The following CTNNA2 variants were observed in gnomAD, a reference collection of about 807,000 sequenced individuals.
The protein encoded by CTNNA2 is catenin alpha-2.
CTNNA2 carries 42 observed loss-of-function variants against 101.0 expected under a neutral mutation model. The ratio of observed to expected loss-of-function variants is 0.42; its 90% CI spans 0.32 to 0.54. CTNNA2 has a LOEUF of 0.54. Ranked by LOEUF, CTNNA2 falls within the 20% of genes least tolerant of loss-of-function variation. The pLI is 0.14. For synonymous variants in CTNNA2, 450 were observed against 456.4 expected (o/e 0.99, Z 0.18); for missense variants, 871 against 1,223.1 (o/e 0.71, Z 4.29).
intron 18 of CTNNA2, among the ~76,000 whole-genome samples, chr2:80,638,677 G>T (rs1445778904): frequency 6.6e-6 from 1 of 152,208 alleles, no homozygotes; most frequent in Non-Finnish European, 1.5e-5. Context: ...CCATATTTAG[G>T]AAATTTGTTG....
intron 7 of CTNNA2, among the ~76,000 whole-genome samples, 178 bp downstream of exon 7, chr2:79,909,975 C>T (rs1313052441): frequency 2.6e-5 from 4 of 152,110 alleles, no homozygotes; most frequent in African/African-American, 9.7e-5. Context: ...TTTCTGAATC[C>T]ATTTTTTGTT....
intron 2 of CTNNA2, among the ~76,000 whole-genome samples, chr2:79,726,560 G>C (rs1686853868): frequency 6.6e-6 from 1 of 152,140 alleles, no homozygotes; most frequent in Non-Finnish European, 1.5e-5. Flanking sequence ...AGGTGGAGCA[G>C]TTTCATCCTG....
chr2:79,588,414 G>C (rs541439568), intron 1 of CTNNA2, among the ~76,000 whole-genome samples: 4 of 152,064 alleles, frequency 2.6e-5, no homozygotes, highest in Non-Finnish European at 5.9e-5. Flanking sequence ...TTAGCTTTGG[G>C]TTGAGCTTTC....
intron 4 of CTNNA2, among the ~76,000 whole-genome samples, chr2:79,408,254 G>A (rs551441131): frequency 2.1e-4 from 32 of 151,496 alleles, no homozygotes; most frequent in Non-Finnish European, 4.4e-4. Context: ...GGTGAACTTT[G>A]AGAAAGTGAT....
intron 2 of CTNNA2, among the ~76,000 whole-genome samples, chr2:79,207,782 C>T (rs1339823503): frequency 6.6e-6 from 1 of 152,078 alleles, no homozygotes; most frequent in Non-Finnish European, 1.5e-5. Flanking sequence ...TCTGATGGCT[C>T]CCTGATGATG....
intron 3 of CTNNA2, among the ~76,000 whole-genome samples, chr2:79,368,704 G>A (rs67489944): frequency 0.3 from 45,128 of 151,912 alleles, 6,834 homozygotes; most frequent in Admixed American, 0.34. Context: ...GGAATTAAAC[G>A]CTACACCCTT....
intron 3 of CTNNA2, among the ~76,000 whole-genome samples, chr2:79,759,615 CCTTT>C (rs1445041004): frequency 1.3e-5 from 2 of 152,252 alleles, no homozygotes; most frequent in East Asian, 3.9e-4. Context: ...TGGTTCATCC[CCTTT>C]CTTGTTTCTC....
intron 4 of CTNNA2, among the ~76,000 whole-genome samples, chr2:79,466,980 C>T (rs905844537): frequency 2.6e-5 from 4 of 152,210 alleles, no homozygotes; most frequent in Admixed American, 2.0e-4. Context: ...CTCTCCCCCT[C>T]CAAAGGAATG....
chr2:80,554,940 T>C (rs2149657676), intron 11 of CTNNA2, among the ~76,000 whole-genome samples: 1 of 152,312 alleles, frequency 6.6e-6, no homozygotes, highest in South Asian at 2.1e-4. Context: ...ATGTGTTTTC[T>C]CTATGCCATT....
intron 3 of CTNNA2, among the ~76,000 whole-genome samples, chr2:79,339,246 TCA>T (rs1677075529): frequency 6.6e-6 from 1 of 152,070 alleles, no homozygotes; most frequent in Non-Finnish European, 1.5e-5. Flanking sequence ...GAAACCAAGA[TCA>T]TTTTCATAGA....
At chr2:79,744,605 T>C in intron 3 of CTNNA2, 23 bp downstream of exon 3, 1 of 1,605,856 alleles carries the variant, frequency 6.2e-7, no homozygotes, top group Non-Finnish European at 8.5e-7. Context: ...ATATTATTGT[T>C]CAAGGCGGAT....
chr2:80,090,891 A>T (rs931561330), intron 7 of CTNNA2, among the ~76,000 whole-genome samples: 1 of 152,082 alleles, frequency 6.6e-6, no homozygotes, highest in Non-Finnish European at 1.5e-5. Flanking sequence ...TTTTTTTTAC[A>T]TTGGATTTTC....
At chr2:79,305,317 CAT>C (rs918214967) in intron 2 of CTNNA2, among the ~76,000 whole-genome samples, 4 of 147,066 alleles carry the variant, frequency 2.7e-5, no homozygotes, top group Non-Finnish European at 6.0e-5. Flanking sequence ...TATATATACA[CAT>C]ATATATACAT....
At chr2:80,440,648 A>C (rs1682478240) in intron 9 of CTNNA2, among the ~76,000 whole-genome samples, 1 of 151,844 alleles carries the variant, frequency 6.6e-6, no homozygotes, top group Admixed American at 6.6e-5. Context: ...ATAAAGAAGG[A>C]AGATAGAACT....
intron 8 of CTNNA2, among the ~76,000 whole-genome samples, chr2:80,400,203 G>A (rs1474279605): frequency 6.6e-6 from 1 of 152,154 alleles, no homozygotes; most frequent in African/African-American, 2.4e-5. Context: ...TCCTTGCTGA[G>A]GTTACCTTTT....
At chr2:79,740,288 A>G (rs887276142) in intron 2 of CTNNA2, among the ~76,000 whole-genome samples, 1 of 152,166 alleles carries the variant, frequency 6.6e-6, no homozygotes, top group Non-Finnish European at 1.5e-5. Flanking sequence ...TGCTAAGGAT[A>G]ATGTCCTCTA....
intron 7 of CTNNA2, among the ~76,000 whole-genome samples, chr2:80,079,843 A>AAAATAAAATAAAATAAAATAAAATAAAAT (rs1699015099): frequency 1.1e-5 from 1 of 88,864 alleles, no homozygotes; most frequent in Non-Finnish European, 2.1e-5. Context: ...AAAATAAAAT[A>AAAATAAAATAAAATAAAATAAAATAAAAT]AAATAAAATA....
At chr2:79,374,658 G>A (rs997993741) in intron 4 of CTNNA2, among the ~76,000 whole-genome samples, 7 of 152,030 alleles carry the variant, frequency 4.6e-5, no homozygotes, top group Admixed American at 4.6e-4. Context: ...TGATATTTTA[G>A]TGGAAATTTG....
At chr2:80,230,173 A>G (rs1709113310) in intron 7 of CTNNA2, among the ~76,000 whole-genome samples, 1 of 151,904 alleles carries the variant, frequency 6.6e-6, no homozygotes, top group African/African-American at 2.4e-5. Context: ...ATAACCTAAC[A>G]ACAGATTTCT....
Sources: allele counts gnomAD v4.1 joint callset (sites outside exome capture counted in the v4.1 genomes callset), GRCh38; gene constraint gnomAD v4.1.1; transcripts MANE v1.5; gene names NCBI Gene and HGNC (gene_info 2026-07-23, HGNC 2026-07-21).